INPP4B: variants seen among roughly 807,000 people sequenced by gnomAD.
The protein encoded by INPP4B is inositol polyphosphate 4-phosphatase type II.
Under a neutral mutation model 122.5 loss-of-function variants are expected in INPP4B, and 55 were observed. That is an observed-to-expected ratio of 0.45 (90% CI 0.36 to 0.56). The LOEUF (loss-of-function observed/expected upper bound fraction) is 0.56. Ranked by LOEUF, INPP4B falls within the 20% of genes least tolerant of loss-of-function variation. The probability of loss-of-function intolerance (pLI) is 0.00; values close to 1 mark genes in which losing one functional copy is unlikely to be tolerated. For synonymous variants in INPP4B, 403 were observed against 388.7 expected (o/e 1.04, Z -0.43); for missense variants, 1,000 against 1,097.7 (o/e 0.91, Z 1.26).
chr4:142,493,401 A>C (rs1822124673), intron 2 of INPP4B, among the ~76,000 whole-genome samples: 1 of 152,170 alleles, frequency 6.6e-6, no homozygotes, highest in African/African-American at 2.4e-5. Flanking sequence ...TGCACTATGC[A>C]CCTAGAAAAG....
chr4:142,479,166 C>A (rs948890391), intron 2 of INPP4B, among the ~76,000 whole-genome samples: 4 of 152,128 alleles, frequency 2.6e-5, no homozygotes, highest in Non-Finnish European at 5.9e-5. Context: ...TACAAACAGA[C>A]ACTTTTCAAA....
chr4:142,416,731 C>T (rs191980145), intron 5 of INPP4B, among the ~76,000 whole-genome samples: 6 of 152,198 alleles, frequency 3.9e-5, no homozygotes, highest in South Asian at 2.1e-4. Flanking sequence ...ACTCCAGTTT[C>T]GCTTCAGTCA....
At chr4:142,353,951 T>G (rs961684933) in intron 7 of INPP4B, among the ~76,000 whole-genome samples, 5 of 151,980 alleles carry the variant, frequency 3.3e-5, no homozygotes, top group African/African-American at 1.2e-4. Context: ...TTTTTCCCAA[T>G]GCTAAATGAA....
chr4:142,691,049 C>T (rs1760096139), intron 2 of INPP4B, among the ~76,000 whole-genome samples: 1 of 152,200 alleles, frequency 6.6e-6, no homozygotes, highest in African/African-American at 2.4e-5. Context: ...CAGAACTTGA[C>T]AGCACTAAGA....
At chr4:142,720,678 T>C (rs1241105161) in intron 2 of INPP4B, among the ~76,000 whole-genome samples, 1 of 128,892 alleles carries the variant, frequency 7.8e-6, no homozygotes, top group Non-Finnish European at 1.6e-5. Context: ...GTTGAATCTA[T>C]GGATGTGGAA....
At chr4:142,266,580 C>T (rs559140688) in intron 10 of INPP4B, among the ~76,000 whole-genome samples, 7 of 152,188 alleles carry the variant, frequency 4.6e-5, no homozygotes, top group Admixed American at 1.3e-4. Context: ...AGACACTAAA[C>T]CAGAAAATAA....
intron 8 of INPP4B, among the ~76,000 whole-genome samples, chr4:142,307,865 AT>A (rs1764028487): frequency 6.6e-6 from 1 of 152,206 alleles, no homozygotes; most frequent in South Asian, 2.1e-4. Flanking sequence ...TGGTTTTAAA[AT>A]TGATAAAGCT....
intron 2 of INPP4B, among the ~76,000 whole-genome samples, chr4:142,555,516 T>C (rs1185379171): frequency 6.6e-6 from 1 of 152,174 alleles, no homozygotes; most frequent in Non-Finnish European, 1.5e-5. Context: ...AGTTGATTTA[T>C]ACAGACTCCA....
At chr4:142,590,081 T>A (rs1339170440) in intron 2 of INPP4B, among the ~76,000 whole-genome samples, 1 of 152,040 alleles carries the variant, frequency 6.6e-6, no homozygotes. Context: ...AGCAAAATGA[T>A]CATTAGTCGC....
At chr4:142,708,793 A>G (rs1177653379) in intron 2 of INPP4B, among the ~76,000 whole-genome samples, 3 of 152,188 alleles carry the variant, frequency 2.0e-5, no homozygotes, top group Non-Finnish European at 4.4e-5. Context: ...GAGAGGCCCC[A>G]CACAGAGTCT....
intron 25 of INPP4B, among the ~76,000 whole-genome samples, chr4:142,068,427 C>G (rs1472301354): frequency 6.6e-6 from 1 of 152,102 alleles, no homozygotes; most frequent in Non-Finnish European, 1.5e-5. Flanking sequence ...CATCAACTAA[C>G]GAGCAAAATA....
chr4:142,074,077 G>A (rs115320232), intron 25 of INPP4B, among the ~76,000 whole-genome samples: 4 of 152,088 alleles, frequency 2.6e-5, no homozygotes, highest in Non-Finnish European at 5.9e-5. Context: ...CCCAAGGGAT[G>A]CTCCTGTCTT....
At chr4:142,385,291 T>C (rs886447961) in intron 7 of INPP4B, among the ~76,000 whole-genome samples, 19 of 152,118 alleles carry the variant, frequency 1.2e-4, no homozygotes, top group African/African-American at 4.3e-4. Flanking sequence ...ACTTTTCAAT[T>C]ATAGCCATTC....
intron 7 of INPP4B, among the ~76,000 whole-genome samples, chr4:142,387,716 G>A (rs2130251): frequency 0.21 from 31,326 of 151,996 alleles, 4,378 homozygotes; most frequent in African/African-American, 0.4. Context: ...GTTAAGTTTT[G>A]ATTAATGGGA....
intron 2 of INPP4B, among the ~76,000 whole-genome samples, chr4:142,647,840 A>G (rs1752119262): frequency 6.6e-6 from 1 of 152,262 alleles, no homozygotes; most frequent in Admixed American, 6.5e-5. Context: ...CATCACGCTC[A>G]GGGCTTTGCC....
chr4:142,159,772 A>G (rs1462288923), intron 17 of INPP4B, among the ~76,000 whole-genome samples: 1 of 151,828 alleles, frequency 6.6e-6, no homozygotes, highest in South Asian at 2.1e-4. Context: ...AATTTCTCTC[A>G]CCATATTTAT....
chr4:142,610,357 G>A (rs1413706918), intron 2 of INPP4B, among the ~76,000 whole-genome samples: 1 of 152,078 alleles, frequency 6.6e-6, no homozygotes, highest in Non-Finnish European at 1.5e-5. Context: ...CTCAGTCTTG[G>A]CTATGTCTTT....
intron 1 of INPP4B, among the ~76,000 whole-genome samples, chr4:142,731,416 A>AAAAAGGCTACAAGATAAATAAAATTT (rs1561007493): frequency 6.6e-6 from 1 of 151,982 alleles, no homozygotes; most frequent in East Asian, 1.9e-4. Context: ...AAATAAAATT[A>AAAAAGGCTACAAGATAAATAAAATTT]AAAAAGGCAG....
At chr4:142,197,756 G>A (rs1268261890) in intron 14 of INPP4B, among the ~76,000 whole-genome samples, 1 of 152,002 alleles carries the variant, frequency 6.6e-6, no homozygotes, top group Non-Finnish European at 1.5e-5. Context: ...CTATTTTCAG[G>A]ATCTCATTTA....
Sources: gnomAD v4.1 joint callset for allele counts (sites outside exome capture counted in the v4.1 genomes callset) on GRCh38, gnomAD v4.1.1 for gene constraint, MANE v1.5 for transcripts, NCBI Gene and HGNC (gene_info 2026-07-23, HGNC 2026-07-21) for gene names.